The following PKHD1 variants were observed in gnomAD, a reference collection of about 807,000 sequenced individuals.
PKHD1 encodes PKHD1 ciliary IPT domain containing fibrocystin/polyductin.
Under a neutral mutation model 412.0 loss-of-function variants are expected in PKHD1, and 291 were observed. That is an observed-to-expected ratio of 0.71 (90% CI 0.64 to 0.78). The LOEUF is 0.78. Ranked by LOEUF, PKHD1 falls within the 30% of genes least tolerant of loss-of-function variation. PKHD1 has a pLI of 0.00. For synonymous variants in PKHD1, 1,777 were observed against 1,821.5 expected, an observed-to-expected ratio of 0.98 and a Z score of 0.62; for missense variants, 4,825 against 4,950.7, an observed-to-expected ratio of 0.97 and a Z score of 0.76.
Position 51,959,911 on chromosome 6 carries a change from A to G in PKHD1, c.5867T>C (p.Leu1956Pro). Residue 1956 changes from leucine (L) to proline (P), a missense_variant, in exon 36 of 67, where the codon CTG becomes CCG. By Grantham distance (98) the Leu-to-Pro change is moderately conservative (BLOSUM62 -3). Transcript: ENST00000371117. ...VTVENGQLLL[L>P]DTNTSILNLL... ...GTTGAGGATGCTTGTGTTAGTGTCC[A>G]GCAGAAGCAATTGGCCATTCTCCAC... is the stretch of plus-strand genomic sequence containing the variant. 1 of 1,613,584 alleles carries G rather than the reference A, an allele frequency of 6.2e-7. No individual in the cohort carries two copies. The highest frequency in any genetic ancestry group is 1.7e-4 in the Middle Eastern group (1 of 6,054).
In PKHD1 at chr6:51,808,648, T is replaced by C. The variant is rs865799445; in HGVS notation, c.8303-17275A>G. Among the ~76,000 whole-genome samples the C allele has an allele frequency of 3.3e-5, 5 of 152,254 alleles. No homozygotes were observed. The South Asian group carries it at 8.3e-4, about 25-fold the overall frequency. On this transcript the variant is annotated intron_variant, in intron 52 of 66. Transcript: ENST00000371117. ...GAGAATAAGCTGTGCAGACTTCTTA[T>C]TTGACCTGGCTTTGACTTCCTGTTT...
rs181486273 is a variant in PKHD1 at position 51,617,217 on chromosome 6, C to T, written c.*1864G>A. On this transcript the variant is annotated 3_prime_UTR_variant, in exon 67 of 67. Transcript: ENST00000371117. The stretch of plus-strand genomic sequence containing the variant: ...CCTTCACTTCTGAAATGTTTTTTTC[C>T]AAAAAGCTTACGGCTCTTTGAGGAT... 1 of 152,016 alleles carries T rather than the reference C, an allele frequency of 6.6e-6. No individual in the cohort carries two copies. The highest frequency in any genetic ancestry group is 2.4e-5 in the African/African-American group (1 of 41,432). 9.4% of individuals were successfully genotyped at this position (152,016 alleles called of 1,614,324 possible).
chr6:51,870,432 T>A, intron 47 of PKHD1, 72 bp downstream of exon 47: 1 of 1,192,382 alleles, frequency 8.4e-7, no homozygotes, highest in Non-Finnish European at 1.3e-6. Flanking sequence ...CACAAAGTAT[T>A]TGCCACTATT....
chr6:51,638,758 T>C (rs1316047069), intron 64 of PKHD1, 91 bp downstream of exon 64: 19 of 784,278 alleles, frequency 2.4e-5, no homozygotes, highest in Non-Finnish European at 3.5e-5. Context: ...TTATTCATGA[T>C]AGTAGCTATT....
At chr6:51,958,275 G>C (rs1791453991) in intron 36 of PKHD1, among the ~76,000 whole-genome samples, 1 of 152,090 alleles carries the variant, frequency 6.6e-6, no homozygotes, top group Non-Finnish European at 1.5e-5. Context: ...CTCTCCACAG[G>C]ATGAGGGTTT....
At chr6:51,668,611 C>T (rs1333412141) in intron 60 of PKHD1, among the ~76,000 whole-genome samples, 2 of 151,712 alleles carry the variant, frequency 1.3e-5, no homozygotes, top group Admixed American at 1.3e-4. Context: ...AGAGGGCATC[C>T]CTGTCTTGTG....
At chr6:51,808,031 A>G (rs1004041704) in intron 52 of PKHD1, among the ~76,000 whole-genome samples, 1 of 152,122 alleles carries the variant, frequency 6.6e-6, no homozygotes, top group Non-Finnish European at 1.5e-5. Flanking sequence ...GAATTGTACA[A>G]TTTAAAAGGA....
chr6:52,077,096 T>C (rs939088117), intron 5 of PKHD1, among the ~76,000 whole-genome samples: 1 of 152,170 alleles, frequency 6.6e-6, no homozygotes, highest in Non-Finnish European at 1.5e-5. Context: ...AATGCTTGAC[T>C]GAGTCGCTGC....
chr6:51,807,485 A>ATATATGTGTGTGTGTGTGTGTG (rs765667001), intron 52 of PKHD1, among the ~76,000 whole-genome samples: 5 of 111,768 alleles, frequency 4.5e-5, no homozygotes, highest in African/African-American at 1.9e-4. Context: ...ATATATGTAT[A>ATATATGTGTGTGTGTGTGTGTG]TGTGTGTGTG....
At chr6:51,984,859 T>C (rs1226501910) in intron 35 of PKHD1, among the ~76,000 whole-genome samples, 1 of 152,234 alleles carries the variant, frequency 6.6e-6, no homozygotes. Context: ...AAATTAACGT[T>C]GGGTTACCCC....
Position 51,617,005 on chromosome 6 carries a change from C to T in PKHD1, c.*2076G>A. The T allele has an allele frequency of 7.5e-6, 2 of 266,418 alleles. No individual in the cohort carries two copies. The highest frequency in any genetic ancestry group is 1.4e-5 in the Non-Finnish European group (2 of 142,788). 16.5% of individuals were successfully genotyped at this position (266,418 alleles called of 1,614,324 possible). On this transcript the variant is annotated 3_prime_UTR_variant, in exon 67 of 67. Transcript: ENST00000371117. ...TTGGGCTGTGTTAACTTCATAGTAA[C>T]TATAGGATAACCTACTGGATATTCT...
chr6:51,690,221 G>A (rs113292103), intron 60 of PKHD1, among the ~76,000 whole-genome samples: 2,667 of 138,054 alleles, frequency 0.019, 39 homozygotes, highest in Non-Finnish European at 0.03. Context: ...GTAGCGAGCC[G>A]AGATCATGAC....
At chr6:51,833,379 T>C (rs1768621275) in intron 51 of PKHD1, among the ~76,000 whole-genome samples, 1 of 152,158 alleles carries the variant, frequency 6.6e-6, no homozygotes, top group Non-Finnish European at 1.5e-5. Context: ...TTCTATACCA[T>C]CCTGCTTAAG....
At chr6:51,906,754 T>G (rs1402330740) in intron 40 of PKHD1, among the ~76,000 whole-genome samples, 1 of 152,140 alleles carries the variant, frequency 6.6e-6, no homozygotes, top group Admixed American at 6.6e-5. Flanking sequence ...TGAATTAATA[T>G]TTATAATTTA....
intron 13 of PKHD1, 40 bp from the exon 14 acceptor site, chr6:52,062,700 C>T: frequency 6.2e-7 from 1 of 1,613,006 alleles, no homozygotes; most frequent in Non-Finnish European, 8.5e-7. Flanking sequence ...ACAGGGCGCA[C>T]CTTCCCAAAT....
intron 53 of PKHD1, among the ~76,000 whole-genome samples, chr6:51,778,704 T>C (rs1188200239): frequency 4.6e-5 from 7 of 151,998 alleles, no homozygotes; most frequent in Non-Finnish European, 7.4e-5. Flanking sequence ...TCCAGGAACT[T>C]CAAAAGGTAA....
chr6:51,712,148 T>A (rs1266858770), intron 60 of PKHD1, among the ~76,000 whole-genome samples: 3 of 152,224 alleles, frequency 2.0e-5, no homozygotes, highest in Non-Finnish European at 1.5e-5. Flanking sequence ...CTCTATCCTT[T>A]CCTTGCAACA....
intron 52 of PKHD1, among the ~76,000 whole-genome samples, chr6:51,800,633 G>A (rs1762763149): frequency 6.6e-6 from 1 of 152,232 alleles, no homozygotes; most frequent in Non-Finnish European, 1.5e-5. Flanking sequence ...CCAAGGGTCT[G>A]ACACTTGTCT....
intron 60 of PKHD1, among the ~76,000 whole-genome samples, chr6:51,672,494 T>C (rs1413474856): frequency 2.0e-5 from 3 of 152,206 alleles, no homozygotes; most frequent in African/African-American, 7.2e-5. Flanking sequence ...AAGGGGCGCA[T>C]GTAAGTGAAG....
Sources: allele counts gnomAD v4.1 joint callset (sites outside exome capture counted in the v4.1 genomes callset), GRCh38; gene constraint gnomAD v4.1.1; transcripts MANE v1.5; gene names NCBI Gene and HGNC (gene_info 2026-07-23, HGNC 2026-07-21).